The following PEBP4 variants were observed in gnomAD, a reference collection of about 807,000 sequenced individuals.
PEBP4 encodes the protein phosphatidylethanolamine binding protein 4, also known as phosphatidylethanolamine-binding protein 4.
In PEBP4, 22 loss-of-function variants were observed where a neutral mutation model predicts 23.9. The observed-to-expected ratio is 0.92, with a 90% CI of 0.66 to 1.31. The LOEUF is 1.31. PEBP4 is among the 40% of genes most tolerant of loss of function. PEBP4 has a pLI of 0.00. For synonymous variants in PEBP4, 112 were observed against 99.3 expected (o/e 1.13, Z -0.76); for missense variants, 324 against 281.7 (o/e 1.15, Z -1.07).
In PEBP4 at chr8:22,729,246, C is replaced by T. The variant is rs75995349; in HGVS notation, c.358-2026G>A. ...CTCCCTACAGAGCTCTTCTGCCACC[C>T]GAGCAAGATGGAGAGTTCTAGGGCT... On this transcript the variant is annotated intron_variant, in intron 4 of 6. Transcript: ENST00000256404. Among the ~76,000 whole-genome samples, 170 of 152,360 alleles carry T rather than the reference C, an allele frequency of 1.1e-3. 2 individuals are homozygous for T. Among genetic ancestry groups the T allele is most frequent in the African/African-American group, 3.9e-3 (161 of 41,584 alleles).
chr8:22,933,353 C>A (rs1460199152), intron 1 of PEBP4, among the ~76,000 whole-genome samples: 1 of 152,138 alleles, frequency 6.6e-6, no homozygotes, highest in Non-Finnish European at 1.5e-5. Context: ...CTCAAAGAGA[C>A]CTACGCTGAG....
At chr8:22,812,635 G>A (rs1402231128) in intron 4 of PEBP4, among the ~76,000 whole-genome samples, 1 of 152,180 alleles carries the variant, frequency 6.6e-6, no homozygotes. Flanking sequence ...TCTAAAGACA[G>A]AAGTCATTAT....
intron 4 of PEBP4, among the ~76,000 whole-genome samples, chr8:22,776,901 C>T (rs954210362): frequency 6.6e-6 from 1 of 151,574 alleles, no homozygotes; most frequent in Admixed American, 6.6e-5. Flanking sequence ...ATAACATTAG[C>T]CAGACTGGCC....
intron 3 of PEBP4, among the ~76,000 whole-genome samples, chr8:22,837,890 CTTTTTTTTT>C (rs746772591): frequency 6.2e-5 from 4 of 64,566 alleles, no homozygotes; most frequent in Non-Finnish European, 8.2e-5. Flanking sequence ...TTATTATATT[CTTTTTTTTT>C]TTTTTTTTTT....
intron 3 of PEBP4, chr8:22,897,662 A>G (rs1421922148): frequency 6.6e-6 from 1 of 152,104 alleles, no homozygotes; most frequent in Non-Finnish European, 1.5e-5. Context: ...TGTTTCCTTT[A>G]AACATCAAAC....
intron 4 of PEBP4, among the ~76,000 whole-genome samples, chr8:22,800,401 AC>A (rs934884482): frequency 2.0e-5 from 3 of 151,832 alleles, no homozygotes; most frequent in Non-Finnish European, 4.4e-5. Flanking sequence ...GAAGGGTAGA[AC>A]CAGATGGATT....
intron 3 of PEBP4, among the ~76,000 whole-genome samples, chr8:22,902,390 A>C (rs1266268742): frequency 6.6e-6 from 1 of 152,152 alleles, no homozygotes; most frequent in African/African-American, 2.4e-5. Flanking sequence ...TCCAACCCCC[A>C]TGTCATGTCC....
chr8:22,800,720 G>C lies in PEBP4; in HGVS notation c.357+16917C>G, dbSNP rs552340162. ...TATTCCCTGGGATTACAGCAGGACT[G>C]GGGCAGGTGGCATGATACCCAGAGC... On this transcript the variant is annotated intron_variant, in intron 4 of 6. Transcript: ENST00000256404. 4.6e-4 allele frequency among the ~76,000 whole-genome samples: 70 copies of C among 152,252 alleles called. 1 individual carries two copies. Among genetic ancestry groups the C allele is most frequent in the Non-Finnish European group, 8.4e-4 (57 of 68,020 alleles).
At chr8:22,754,416 A>G (rs768756452) in intron 4 of PEBP4, among the ~76,000 whole-genome samples, 54 of 152,208 alleles carry the variant, frequency 3.5e-4, no homozygotes, top group Non-Finnish European at 6.6e-4. Context: ...AAATTTTTCT[A>G]TTTAATTCCT....
At chr8:22,723,208 G>A (rs557064188) in intron 6 of PEBP4, among the ~76,000 whole-genome samples, 3 of 152,116 alleles carry the variant, frequency 2.0e-5, no homozygotes, top group African/African-American at 4.8e-5. Flanking sequence ...GGCCCAGCGC[G>A]TTTTGGCTTC....
chr8:22,867,132 G>T (rs1807920885), intron 3 of PEBP4, among the ~76,000 whole-genome samples: 1 of 152,168 alleles, frequency 6.6e-6, no homozygotes, highest in Admixed American at 6.5e-5. Context: ...CCTAAAATCT[G>T]CCCTTTCCCT....
intron 4 of PEBP4, among the ~76,000 whole-genome samples, chr8:22,749,091 C>A (rs1328170168): frequency 6.6e-6 from 1 of 152,078 alleles, no homozygotes; most frequent in Non-Finnish European, 1.5e-5. Flanking sequence ...TCCCATAGCA[C>A]CAGTGGAGCT....
At chr8:22,920,497 A>C (rs1275930674) in intron 2 of PEBP4, among the ~76,000 whole-genome samples, 187 bp from the exon 3 acceptor site, 6 of 152,186 alleles carry the variant, frequency 3.9e-5, no homozygotes, top group African/African-American at 1.4e-4. Flanking sequence ...CACCTGTAAA[A>C]CGAAGACACT....
At position 22,865,809 on chromosome 8, in the gene PEBP4, C is replaced by T. The variant is rs1170707331; in HGVS notation, c.259-48074G>A. On this transcript the variant is annotated intron_variant, in intron 3 of 6. Coordinates refer to ENST00000256404, the MANE Select transcript of PEBP4 (RefSeq NM_144962.3). This position sits in a 1 kb window ranked among gnomAD's most constrained non-coding sequence, Gnocchi z 6.9. ...ACTCCCGGGGGCGCGAGCGGCGGCG[C>T]CTAGAGGGACCCCCACCCCGGGCTC... 6.6e-6 allele frequency among the ~76,000 whole-genome samples: 1 copy of T among 152,170 alleles called. No individual in the cohort carries two copies. The highest frequency in any genetic ancestry group is 1.9e-4 in the East Asian group (1 of 5,174).
chr8:22,841,392 A>T (rs1807326265), intron 3 of PEBP4, among the ~76,000 whole-genome samples: 1 of 152,276 alleles, frequency 6.6e-6, no homozygotes, highest in African/African-American at 2.4e-5. Flanking sequence ...GCTTTTGACA[A>T]GGTTACTTTC....
At chr8:22,786,443 C>G (rs542804068) in intron 4 of PEBP4, among the ~76,000 whole-genome samples, 1 of 152,080 alleles carries the variant, frequency 6.6e-6, no homozygotes, top group East Asian at 1.9e-4. Flanking sequence ...CCACCATGTC[C>G]GGCAATTTTT....
chr8:22,727,089 C>G (rs898256383), intron 5 of PEBP4, 86 bp downstream of exon 5: 1 of 1,468,820 alleles, frequency 6.8e-7, no homozygotes. Flanking sequence ...TGCTAGCACA[C>G]GACAAAGCAG....
intron 3 of PEBP4, among the ~76,000 whole-genome samples, chr8:22,892,112 G>A (rs200218894): frequency 6.6e-6 from 1 of 151,648 alleles, no homozygotes; most frequent in Non-Finnish European, 1.5e-5. Flanking sequence ...AGAAAGTAGA[G>A]GGACTAAGAG....
chr8:22,862,016 G>A lies in PEBP4; in HGVS notation c.259-44281C>T, dbSNP rs1237522115. 2.0e-5 allele frequency among the ~76,000 whole-genome samples: 3 copies of A among 152,148 alleles called. No homozygotes were observed. The South Asian group carries it at 6.2e-4, about 32-fold the overall frequency. On this transcript the variant is annotated intron_variant, in intron 3 of 6. Coordinates refer to ENST00000256404, the MANE Select transcript of PEBP4 (RefSeq NM_144962.3). Reference sequence around the variant, plus strand: ...TTAATTTCTCCTGCATGTTTAGCTAGCACCAAGCGAGTGATGCCAACACAA... The same window carrying A: ...TTAATTTCTCCTGCATGTTTAGCTAACACCAAGCGAGTGATGCCAACACAA...
Sources: gnomAD v4.1 joint callset for allele counts (sites outside exome capture counted in the v4.1 genomes callset) on GRCh38, gnomAD v4.1.1 for gene constraint, Gnocchi (gnomAD v3.1) non-coding constraint, MANE v1.5 for transcripts, NCBI Gene and HGNC (gene_info 2026-07-23, HGNC 2026-07-21) for gene names.